RORA: variants seen among roughly 807,000 people sequenced by gnomAD.
RORA encodes the protein nuclear receptor ROR-alpha.
RORA carries 7 observed loss-of-function variants against 69.5 expected under a neutral mutation model. The observed-to-expected ratio is 0.10, with a 90% CI of 0.06 to 0.19. RORA has a LOEUF of 0.19. Among genes scored for constraint, RORA ranks in the 10% least tolerant of loss-of-function variants. RORA has a pLI of 1.00. For synonymous variants in RORA, 261 were observed against 240.8 expected (o/e 1.08, Z -0.78); for missense variants, 457 against 663.0 (o/e 0.69, Z 3.41).
chr15:61,002,783 A>G (rs57712812), intron 1 of RORA, among the ~76,000 whole-genome samples: 3,420 of 152,184 alleles, frequency 0.022, 154 homozygotes, highest in African/African-American at 0.08. Flanking sequence ...GGGAATATAA[A>G]TAACTTGAGC....
intron 2 of RORA, among the ~76,000 whole-genome samples, chr15:60,588,271 G>A (rs891895046): frequency 1.3e-5 from 2 of 152,148 alleles, no homozygotes; most frequent in East Asian, 3.8e-4. Context: ...AATACATAAA[G>A]GCAGCCTTGA....
intron 2 of RORA, among the ~76,000 whole-genome samples, chr15:60,563,983 T>C (rs896345809): frequency 2.0e-5 from 3 of 152,212 alleles, no homozygotes; most frequent in African/African-American, 7.2e-5. Flanking sequence ...TTGTACAGCC[T>C]TTCATGGGCT....
At chr15:60,549,333 A>G (rs1739627145) in intron 2 of RORA, among the ~76,000 whole-genome samples, 1 of 152,166 alleles carries the variant, frequency 6.6e-6, no homozygotes, top group African/African-American at 2.4e-5. Context: ...CTATATCACC[A>G]GGGCATATTT....
intron 1 of RORA, among the ~76,000 whole-genome samples, chr15:60,983,709 C>T (rs1894113768): frequency 6.6e-6 from 1 of 152,182 alleles, no homozygotes; most frequent in Non-Finnish European, 1.5e-5. Context: ...CCACCCATGA[C>T]CCATAAGCTC....
At chr15:60,896,608 C>G (rs919926326) in intron 1 of RORA, among the ~76,000 whole-genome samples, 7 of 152,140 alleles carry the variant, frequency 4.6e-5, no homozygotes, top group Non-Finnish European at 8.8e-5. Context: ...ACCTTATACC[C>G]AAAATTTCAC....
At position 60,495,226 on chromosome 15, in the gene RORA, A is replaced by G. The variant is rs956263154; in HGVS notation, c.*2229T>C. On this transcript the variant is annotated 3_prime_UTR_variant, in exon 11 of 11. Transcript: ENST00000335670. The stretch of plus-strand genomic sequence containing the variant: ...CTAAGCTTGGTACTCTTTTCAGAGT[A>G]TAAATACTACTGATCTTTAAAGGAA... 1 of 152,228 alleles carries G rather than the reference A, an allele frequency of 6.6e-6. No homozygotes were observed. Among genetic ancestry groups the G allele is most frequent in the African/African-American group, 2.4e-5 (1 of 41,464 alleles). 9.4% of individuals were successfully genotyped at this position (152,228 alleles called of 1,614,324 possible).
At chr15:60,760,031 A>T (rs2071863329) in intron 1 of RORA, among the ~76,000 whole-genome samples, 1 of 152,090 alleles carries the variant, frequency 6.6e-6, no homozygotes, top group Admixed American at 6.6e-5. Flanking sequence ...GGCTTTTTTT[A>T]ATAGTTTTAA....
intron 1 of RORA, among the ~76,000 whole-genome samples, chr15:61,055,361 C>T (rs2078081099): frequency 6.6e-6 from 1 of 152,186 alleles, no homozygotes; most frequent in African/African-American, 2.4e-5. Context: ...AGCATGGCTT[C>T]ACTAAGGGAC....
chr15:61,081,949 T>C (rs996283309), intron 1 of RORA, among the ~76,000 whole-genome samples: 5 of 152,208 alleles, frequency 3.3e-5, no homozygotes, highest in Non-Finnish European at 7.3e-5. Flanking sequence ...ATAACTAGAA[T>C]TCTAGAAAGC....
chr15:60,776,682 G>C (rs1397696746), intron 1 of RORA, among the ~76,000 whole-genome samples: 2 of 152,186 alleles, frequency 1.3e-5, no homozygotes, highest in East Asian at 3.8e-4. Flanking sequence ...CCAGGGTTTG[G>C]GGTCCAGGTC....
At chr15:60,832,313 T>C (rs7181803) in intron 1 of RORA, among the ~76,000 whole-genome samples, 15,140 of 152,178 alleles carry the variant, frequency 0.099, 1,697 homozygotes, top group African/African-American at 0.28. Context: ...TTCCTGGTTT[T>C]AGCATTAAGA....
chr15:60,873,017 C>G (rs1279097899), intron 1 of RORA, among the ~76,000 whole-genome samples: 1 of 152,056 alleles, frequency 6.6e-6, no homozygotes, highest in Non-Finnish European at 1.5e-5. Flanking sequence ...TCCTCTTCTC[C>G]TTCTTCTTAG....
At chr15:60,954,334 C>G (rs1263781589) in intron 1 of RORA, among the ~76,000 whole-genome samples, 2 of 147,842 alleles carry the variant, frequency 1.4e-5, no homozygotes, top group African/African-American at 5.0e-5. Context: ...GGAGATATAC[C>G]TAATGCTAGA....
At chr15:60,498,512 A>G (rs958214181) in intron 10 of RORA, among the ~76,000 whole-genome samples, 1 of 152,220 alleles carries the variant, frequency 6.6e-6, no homozygotes, top group Non-Finnish European at 1.5e-5. Flanking sequence ...TGGAGGCCCT[A>G]GCATTGACCA....
rs1463287243 is a variant in RORA, at chr15:60,610,454, G to T, written c.196+68203C>A. Among the ~76,000 whole-genome samples, 7 of 152,112 alleles carry T rather than the reference G, an allele frequency of 4.6e-5. No individual in the cohort carries two copies. In the South Asian group the frequency reaches 1.4e-3, roughly 32 times the overall value. ...AACTTTGGGAGAGACGTGCTCTTTGGTTTTGTCTGGGTTGCAGTTTAATTC... is the reference window on the plus strand; with the variant it reads ...AACTTTGGGAGAGACGTGCTCTTTGTTTTTGTCTGGGTTGCAGTTTAATTC... On this transcript the variant is annotated intron_variant, in intron 2 of 10. Transcript: ENST00000335670.
At chr15:61,127,892 C>T (rs771172044) in intron 1 of RORA, among the ~76,000 whole-genome samples, 9 of 152,122 alleles carry the variant, frequency 5.9e-5, no homozygotes, top group Non-Finnish European at 1.0e-4. Flanking sequence ...TAAAGGCCAG[C>T]CACCGGACCC....
At chr15:60,986,168 C>G (rs1894196164) in intron 1 of RORA, among the ~76,000 whole-genome samples, 1 of 151,708 alleles carries the variant, frequency 6.6e-6, no homozygotes, top group African/African-American at 2.4e-5. Context: ...GAGTCTTGCT[C>G]TGTCACCCAG....
chr15:60,908,385 C>T (rs1402147530), intron 1 of RORA, among the ~76,000 whole-genome samples: 1 of 152,168 alleles, frequency 6.6e-6, no homozygotes, highest in Admixed American at 6.5e-5. Flanking sequence ...AGGCTCCTTT[C>T]TCTCAGAAAA....
chr15:60,917,516 T>G (rs1329480891), intron 1 of RORA, among the ~76,000 whole-genome samples: 1 of 152,192 alleles, frequency 6.6e-6, no homozygotes, highest in Non-Finnish European at 1.5e-5. Flanking sequence ...GGGAAACTGC[T>G]GGGTGCTGTC....
Sources: allele counts gnomAD v4.1 joint callset (sites outside exome capture counted in the v4.1 genomes callset), GRCh38; gene constraint gnomAD v4.1.1; transcripts MANE v1.5; gene names NCBI Gene and HGNC (gene_info 2026-07-23, HGNC 2026-07-21).